DPH7: variants seen among roughly 807,000 people sequenced by gnomAD.
The protein encoded by DPH7 is diphthamide biosynthesis 7, also known as diphthine methyltransferase.
In DPH7, 44 loss-of-function variants were observed where a neutral mutation model predicts 41.7. The observed-to-expected ratio is 1.05, with a 90% CI of 0.83 to 1.36. The LOEUF (loss-of-function observed/expected upper bound fraction) is 1.36. Among genes scored for constraint, DPH7 ranks in the 40% most tolerant of loss-of-function variants. The probability of loss-of-function intolerance (pLI) is 0.00; values close to 1 mark genes in which losing one functional copy is unlikely to be tolerated. For missense variants in DPH7, 629 were observed against 577.5 expected, an observed-to-expected ratio of 1.09 and a Z score of -0.91; for synonymous variants, 275 against 238.0, an observed-to-expected ratio of 1.16 and a Z score of -1.43.
Position 137,556,573 on chromosome 9 carries a change from C to T in DPH7, c.950-925G>A. On this transcript the variant is annotated intron_variant, in intron 8 of 8. Transcript: ENST00000277540. This position sits in a 1 kb window ranked among gnomAD's most constrained non-coding sequence, Gnocchi z 5.2. ...ATGGGCCTGGGCCGGGGAGGCCCAA[C>T]CCTGGGCCCAGGGCTTCAACTGGGC... 1 of 329,100 alleles carries T rather than the reference C, an allele frequency of 3.0e-6. No homozygotes were observed. The highest frequency in any genetic ancestry group is 2.4e-5 in the South Asian group (1 of 42,526). The allele number at this position is 329,100 out of a possible 1,614,324, so 20.4% of individuals were successfully genotyped here.
intron 8 of DPH7, among the ~76,000 whole-genome samples, chr9:137,563,818 A>G (rs1337844368): frequency 6.6e-6 from 1 of 152,154 alleles, no homozygotes; most frequent in Non-Finnish European, 1.5e-5. Context: ...TGGAGGTTTG[A>G]GCAGAGAGAA....
intron 1 of DPH7, 83 bp downstream of exon 1, chr9:137,578,542 T>C (rs1841848746): frequency 1.5e-6 from 2 of 1,354,862 alleles, no homozygotes; most frequent in South Asian, 1.6e-5. Context: ...CCCCTCTTCA[T>C]CTCCTGGGCG....
chr9:137,564,527 A>T lies in DPH7; in HGVS notation c.856T>A (p.Trp286Arg). The part of the protein sequence containing the change: ...LADTPVQGGV[W>R]RIKWHPFHHH... Reference sequence around the variant, plus strand: ...TGGAAAGGGTGCCACTTGATTCTCCATACCCCACCCTGCACAGGCGTATCT... The same window carrying T: ...TGGAAAGGGTGCCACTTGATTCTCCTTACCCCACCCTGCACAGGCGTATCT... The change falls in exon 8 of 9, where the codon TGG (tryptophan) becomes AGG (arginine). Residue 286 changes from tryptophan to arginine, a missense_variant. Transcript: ENST00000277540. 1 of 1,614,110 alleles carries T rather than the reference A, an allele frequency of 6.2e-7. No homozygotes were observed. Among genetic ancestry groups the T allele is most frequent in the Non-Finnish European group, 8.5e-7 (1 of 1,179,986 alleles).
At position 137,578,894 on chromosome 9, in the gene DPH7, C is replaced by T; in HGVS notation, c.-117G>A. ...CCGGACGAGCGCAGAGCCCCAGGGA[C>T]ACCGTCAGCGCGGGCCGCCTCTCTC... On this transcript the variant is annotated 5_prime_UTR_variant, in exon 1 of 9. Coordinates refer to ENST00000277540, the MANE Select transcript of DPH7 (RefSeq NM_138778.5). The T allele has an allele frequency of 1.8e-6, 2 of 1,120,582 alleles. No individual in the cohort carries two copies. Among genetic ancestry groups the T allele is most frequent in the Non-Finnish European group, 2.3e-6 (2 of 873,956 alleles). 69.4% of individuals were successfully genotyped at this position (1,120,582 alleles called of 1,614,324 possible).
rs968895730 is a variant in DPH7 at position 137,578,757 on chromosome 9, C to T, written c.21G>A (p.Leu7=). The change falls in exon 1 of 9, where the codon CTG becomes CTA. Residue 7 remains leucine (L), a synonymous_variant. Coordinates refer to ENST00000277540, the MANE Select transcript of DPH7 (RefSeq NM_138778.5). ...CGGTCAGCTCGGTGTCCACCGTTTG[C>T]AGGGCGAAACAGCCCATCATCCAGC... is the stretch of plus-strand genomic sequence containing the variant. The part of the protein sequence containing the change: MMGCFA[L]QTVDTELTAD... The T allele has an allele frequency of 6.6e-7, 1 of 1,513,174 alleles. No individual in the cohort carries two copies. The allele number at this position is 1,513,174 out of a possible 1,614,324, so 93.7% of individuals were successfully genotyped here.
chr9:137,573,873 C>T (rs1305544863), intron 5 of DPH7, among the ~76,000 whole-genome samples: 1 of 151,942 alleles, frequency 6.6e-6, no homozygotes. Context: ...AGAGACCAGC[C>T]TGACCAACAT....
intron 5 of DPH7, among the ~76,000 whole-genome samples, chr9:137,572,174 C>T (rs141596351): frequency 6.1e-4 from 93 of 152,284 alleles, no homozygotes; most frequent in Admixed American, 1.3e-3. Flanking sequence ...CTGCGTCAGT[C>T]TTCTAAGGAC....
Position 137,578,898 on chromosome 9 carries a change from G to A in DPH7, c.-121C>T. 1.3e-5 allele frequency: 14 copies of A among 1,079,498 alleles called. No homozygotes were observed. The highest frequency in any genetic ancestry group is 1.5e-5 in the Non-Finnish European group (13 of 839,034). The allele number at this position is 1,079,498 out of a possible 1,614,324, so 66.9% of individuals were successfully genotyped here. ...ACGAGCGCAGAGCCCCAGGGACACC[G>A]TCAGCGCGGGCCGCCTCTCTCGCGA... On this transcript the variant is annotated 5_prime_UTR_variant, in exon 1 of 9. The change creates a new upstream start codon in the 5' untranslated region. Coordinates refer to ENST00000277540, the MANE Select transcript of DPH7 (RefSeq NM_138778.5).
At chr9:137,576,884 C>T (rs939478916) in intron 2 of DPH7, among the ~76,000 whole-genome samples, 3 of 148,892 alleles carry the variant, frequency 2.0e-5, no homozygotes, top group South Asian at 2.1e-4. Flanking sequence ...AGCGAGACTC[C>T]GTCTCAAAAA....
intron 1 of DPH7, chr9:137,578,265 C>G (rs1049813441): frequency 6.5e-6 from 1 of 153,390 alleles, no homozygotes; most frequent in Non-Finnish European, 1.4e-5. Flanking sequence ...CCCGGGTTCA[C>G]GCCATTCTCC....
chr9:137,564,382 C>A (rs1230436952), intron 8 of DPH7, 52 bp downstream of exon 8: 1 of 1,574,220 alleles, frequency 6.4e-7, no homozygotes, highest in Non-Finnish European at 8.6e-7. Context: ...AGCGAGGGGG[C>A]AGGGAACTGG....
chr9:137,573,248 T>C (rs1455494616), intron 5 of DPH7, among the ~76,000 whole-genome samples: 1 of 147,514 alleles, frequency 6.8e-6, no homozygotes, highest in African/African-American at 2.5e-5. Flanking sequence ...GTAGTCCCAG[T>C]TACTCGGGAG....
In DPH7 at chr9:137,564,958, T is replaced by A. The variant is rs761978027; in HGVS notation, c.711A>T (p.Arg237Ser). The part of the protein sequence containing the change: ...VPGKFLFTSK[R>S]HTMGVCSIQS... Reference sequence around the variant, plus strand: ...GGATGCTGCACACACCCATGGTGTGTCTGCAAGCAGAGGCGGCTTCTGAAC... The same window carrying A: ...GGATGCTGCACACACCCATGGTGTGACTGCAAGCAGAGGCGGCTTCTGAAC... Residue 237 changes from arginine to serine, a missense_variant and splice_region_variant, in exon 7 of 9, where the codon AGA (arginine) becomes AGT (serine). Arg to Ser is a moderately radical substitution (Grantham distance 110). Coordinates refer to ENST00000277540, the MANE Select transcript of DPH7 (RefSeq NM_138778.5). The A allele has an allele frequency of 2.3e-5, 37 of 1,595,030 alleles. No homozygotes were observed. The highest frequency in any genetic ancestry group is 5.3e-5 in the Admixed American group (3 of 56,946).
chr9:137,578,597 T>TCCCC, intron 1 of DPH7, 28 bp downstream of exon 1: 1 of 727,772 alleles, frequency 1.4e-6, no homozygotes, highest in Non-Finnish European at 2.0e-6. Context: ...GGCCCCGCCC[T>TCCCC]CCCCTCCCGA....
intron 8 of DPH7, among the ~76,000 whole-genome samples, chr9:137,561,324 T>A (rs1217711827): frequency 6.6e-6 from 1 of 151,962 alleles, no homozygotes; most frequent in Admixed American, 6.6e-5. Flanking sequence ...CTTTCACAGG[T>A]TTCCTGGCAA....
chr9:137,559,984 G>A (rs1039982893), intron 8 of DPH7, among the ~76,000 whole-genome samples: 1 of 152,192 alleles, frequency 6.6e-6, no homozygotes, highest in African/African-American at 2.4e-5. Context: ...GCTGGTCCCT[G>A]CACTAAATTG....
rs561296286 is a variant in DPH7, at chr9:137,556,706, C to T, written c.950-1058G>A. ...CTCGGGAGGAAGCCCCTGGGGAGGC[C>T]GTTACTGTCCCTTGGGAGGTAGCGT... On this transcript the variant is annotated intron_variant, in intron 8 of 8. Transcript: ENST00000277540. This position sits in a 1 kb window ranked among gnomAD's most constrained non-coding sequence, Gnocchi z 5.2. 33 of 406,504 alleles carry T rather than the reference C, an allele frequency of 8.1e-5. No homozygotes were observed. Among genetic ancestry groups the T allele is most frequent in the African/African-American group, 3.5e-4 (17 of 48,362 alleles). The allele number at this position is 406,504 out of a possible 1,614,324, so 25.2% of individuals were successfully genotyped here.
chr9:137,561,935 G>C (rs905064073), intron 8 of DPH7, among the ~76,000 whole-genome samples: 1 of 152,222 alleles, frequency 6.6e-6, no homozygotes, highest in African/African-American at 2.4e-5. Flanking sequence ...CGCGATCTCG[G>C]CTCACTGCAA....
Position 137,574,652 on chromosome 9 carries a change from C to T in DPH7, c.467+100G>A, listed in dbSNP as rs1007782275. ...GTGATGATGTCAGGGCTGAGGAGCA[C>T]AGTCGCAGCTCGCTGAAGGTGGCTG... is the stretch of plus-strand genomic sequence containing the variant. On this transcript the variant is annotated intron_variant, in intron 4 of 8. Transcript: ENST00000277540. 3.4e-6 allele frequency: 4 copies of T among 1,159,894 alleles called. No homozygotes were observed. In the African/African-American group the frequency reaches 4.6e-5, roughly 13 times the overall value. 71.9% of individuals were successfully genotyped at this position (1,159,894 alleles called of 1,614,324 possible). A position where few individuals can be genotyped will look rare whatever the true frequency, so the allele number is the denominator to read the frequency against.
Sources: gnomAD v4.1 joint callset for allele counts (sites outside exome capture counted in the v4.1 genomes callset) on GRCh38, gnomAD v4.1.1 for gene constraint, Gnocchi (gnomAD v3.1) non-coding constraint, MANE v1.5 for transcripts, NCBI Gene and HGNC (gene_info 2026-07-23, HGNC 2026-07-21) for gene names.